DLGAP2: variants seen among roughly 807,000 people sequenced by gnomAD.
DLGAP2 encodes DLG associated protein 2.
A neutral mutation model predicts 100.3 loss-of-function variants in DLGAP2; 26 were observed. The observed-to-expected ratio is 0.26, with a 90% CI of 0.19 to 0.36. The LOEUF (loss-of-function observed/expected upper bound fraction) is 0.36. Ranked by LOEUF, DLGAP2 falls within the 10% of genes least tolerant of loss-of-function variation. The probability of loss-of-function intolerance (pLI) is 1.00; values close to 1 mark genes in which losing one functional copy is unlikely to be tolerated. For synonymous variants in DLGAP2, 886 were observed against 630.1 expected (o/e 1.41, Z -6.08); for missense variants, 1,858 against 1,453.2 (o/e 1.28, Z -4.53).
chr8:1,202,254 G>GTA (rs1222437256), intron 2 of DLGAP2, among the ~76,000 whole-genome samples: 1 of 144,636 alleles, frequency 6.9e-6, no homozygotes, highest in South Asian at 2.2e-4. Context: ...GTGTGTGTGT[G>GTA]TGTGTGTGTG....
chr8:888,603 C>CTTT (rs776447098), intron 1 of DLGAP2, among the ~76,000 whole-genome samples: 1 of 136,942 alleles, frequency 7.3e-6, no homozygotes, highest in Non-Finnish European at 1.6e-5. Flanking sequence ...TCACTTTCTG[C>CTTT]TTTTTTTTTT....
intron 1 of DLGAP2, among the ~76,000 whole-genome samples, chr8:883,908 G>C (rs1262551378): frequency 6.6e-6 from 1 of 152,176 alleles, no homozygotes; most frequent in East Asian, 1.9e-4. Flanking sequence ...TTCTGTTTCT[G>C]TGTTAGTTTG....
intron 1 of DLGAP2, among the ~76,000 whole-genome samples, chr8:902,548 C>T (rs566671679): frequency 7.8e-6 from 1 of 128,810 alleles, no homozygotes; most frequent in Non-Finnish European, 1.6e-5. Context: ...CCTTGGGGAG[C>T]CGAGAATCAC....
intron 2 of DLGAP2, among the ~76,000 whole-genome samples, chr8:1,219,608 A>G (rs188749279): frequency 1.3e-5 from 2 of 152,266 alleles, no homozygotes; most frequent in East Asian, 3.9e-4. Flanking sequence ...AGGTTTTGGT[A>G]TCAGAATGAT....
chr8:969,344 C>T (rs1261153455), intron 2 of DLGAP2, among the ~76,000 whole-genome samples: 1 of 152,100 alleles, frequency 6.6e-6, no homozygotes, highest in Admixed American at 6.6e-5. Context: ...GACTCGTCAC[C>T]CTCCATGCGC....
chr8:1,070,719 C>T (rs1335472111), intron 2 of DLGAP2, among the ~76,000 whole-genome samples: 1 of 152,184 alleles, frequency 6.6e-6, no homozygotes, highest in Non-Finnish European at 1.5e-5. Context: ...GAAAGTTAGC[C>T]TTCAAAACTG....
chr8:1,359,714 A>C (rs2129649786), intron 3 of DLGAP2, among the ~76,000 whole-genome samples: 1 of 152,146 alleles, frequency 6.6e-6, no homozygotes, highest in East Asian at 1.9e-4. Context: ...CTCTTATAAA[A>C]CCCGCGCGTT....
chr8:1,026,469 C>T (rs1801803731), intron 2 of DLGAP2, among the ~76,000 whole-genome samples: 1 of 152,184 alleles, frequency 6.6e-6, no homozygotes, highest in Non-Finnish European at 1.5e-5. Flanking sequence ...CACGTGCCTG[C>T]TCCGACCTGC....
chr8:809,023 C>T (rs575332230), intron 1 of DLGAP2, among the ~76,000 whole-genome samples: 2 of 151,420 alleles, frequency 1.3e-5, no homozygotes, highest in Admixed American at 1.3e-4. Flanking sequence ...TCTGTTGCCT[C>T]AGCCTCCCAA....
chr8:742,251 A>C (rs1563406241), intron 1 of DLGAP2, among the ~76,000 whole-genome samples: 1 of 152,228 alleles, frequency 6.6e-6, no homozygotes, highest in Non-Finnish European at 1.5e-5. Context: ...GCAGGAAAAA[A>C]AGAGAAAAAT....
intron 4 of DLGAP2, among the ~76,000 whole-genome samples, chr8:1,548,135 T>A (rs1047943257): frequency 2.0e-5 from 3 of 152,094 alleles, no homozygotes; most frequent in Non-Finnish European, 4.4e-5. Flanking sequence ...CATCAGTGTT[T>A]CCTCTCCACT....
intron 12 of DLGAP2, among the ~76,000 whole-genome samples, chr8:1,689,892 C>T (rs938763913): frequency 3.3e-5 from 5 of 152,202 alleles, no homozygotes; most frequent in Admixed American, 6.5e-5. Flanking sequence ...TATGGAAGAA[C>T]GGTGAATTGT....
chr8:978,494 G>A (rs201765883), intron 2 of DLGAP2, among the ~76,000 whole-genome samples: 1 of 39,544 alleles, frequency 2.5e-5, no homozygotes, highest in African/African-American at 8.7e-5. Context: ...TGAGGTGCTG[G>A]GTTCTGGTCT....
chr8:1,328,484 GTGTTTTTT>G (rs1311154148), intron 3 of DLGAP2, among the ~76,000 whole-genome samples: 8 of 151,872 alleles, frequency 5.3e-5, no homozygotes, highest in Non-Finnish European at 8.8e-5. Flanking sequence ...TAATTTGTGT[GTGTTTTTT>G]TGTTTTTTTG....
chr8:803,393 T>C lies in DLGAP2; in HGVS notation c.18+65568T>C, dbSNP rs149190367. Among the ~76,000 whole-genome samples the C allele has an allele frequency of 4.6e-4, 70 of 152,284 alleles. 1 individual carries two copies. The Middle Eastern group carries it at 0.014, about 30-fold the overall frequency. On this transcript the variant is annotated intron_variant, in intron 1 of 14. Coordinates refer to ENST00000637795, the MANE Select transcript of DLGAP2 (RefSeq NM_001346810.2). ...CTGTAAACCCTCTACAAATAACATC[T>C]ACCTCTGCATGTATTGTCTTTTTTC...
intron 5 of DLGAP2, among the ~76,000 whole-genome samples, chr8:1,555,048 G>C (rs542230002): frequency 6.6e-6 from 1 of 152,264 alleles, no homozygotes; most frequent in East Asian, 1.9e-4. Context: ...TTGAAAGGAG[G>C]GCTTTTGTTT....
At chr8:1,329,182 G>A (rs773587634) in intron 3 of DLGAP2, among the ~76,000 whole-genome samples, 10 of 152,228 alleles carry the variant, frequency 6.6e-5, no homozygotes, top group Non-Finnish European at 1.5e-4. Context: ...CTCAAGAGAT[G>A]TGAAGAAACC....
chr8:1,128,233 G>GAGGACCTGCTCCCGGTGTTGTGTTCGGTC (rs1312654562), intron 2 of DLGAP2, among the ~76,000 whole-genome samples: 33 of 151,452 alleles, frequency 2.2e-4, no homozygotes, highest in African/African-American at 7.8e-4. Context: ...TGTGTTCGGT[G>GAGGACCTGCTCCCGGTGTTGTGTTCGGTC]AGGACCTGCT....
rs368850514 is a variant in DLGAP2, at chr8:1,292,669, C to T, written c.106+33786C>T. Among the ~76,000 whole-genome samples the T allele has an allele frequency of 3.0e-4, 45 of 152,320 alleles. 1 individual carries two copies. Among genetic ancestry groups the T allele is most frequent in the African/African-American group, 9.6e-4 (40 of 41,568 alleles). On this transcript the variant is annotated intron_variant, in intron 3 of 14. Transcript: ENST00000637795. ...AATGTAACGGCCTCCGTCGCTCGGACGCTTTGTAGACTGAGAAAGGTCGCG... is the reference window on the plus strand; with the variant it reads ...AATGTAACGGCCTCCGTCGCTCGGATGCTTTGTAGACTGAGAAAGGTCGCG...
Sources: allele counts gnomAD v4.1 joint callset (sites outside exome capture counted in the v4.1 genomes callset), GRCh38; gene constraint gnomAD v4.1.1; transcripts MANE v1.5; gene names NCBI Gene and HGNC (gene_info 2026-07-23, HGNC 2026-07-21).